The following SMG6 variants were observed in gnomAD, a reference collection of about 807,000 sequenced individuals.
The protein encoded by SMG6 is SMG6 nonsense mediated mRNA decay factor.
In SMG6, 66 loss-of-function variants were observed where a neutral mutation model predicts 142.2. That is an observed-to-expected ratio of 0.46 (90% CI 0.38 to 0.57). SMG6 has a LOEUF of 0.57. Ranked by LOEUF, SMG6 falls within the 20% of genes least tolerant of loss-of-function variation. SMG6 has a pLI of 0.00. For synonymous variants in SMG6, 779 were observed against 702.4 expected, an observed-to-expected ratio of 1.11 and a Z score of -1.72; for missense variants, 1,793 against 1,832.0, an observed-to-expected ratio of 0.98 and a Z score of 0.39.
intron 13 of SMG6, among the ~76,000 whole-genome samples, chr17:2,159,681 G>C (rs2071114839): frequency 6.6e-6 from 1 of 152,128 alleles, no homozygotes; most frequent in Admixed American, 6.6e-5. Context: ...ATTTATCCAA[G>C]AGAAATGAAA....
chr17:2,270,018 G>C (rs1330248379), intron 8 of SMG6, among the ~76,000 whole-genome samples: 5 of 152,042 alleles, frequency 3.3e-5, no homozygotes, highest in Admixed American at 1.3e-4. Flanking sequence ...GACAGAGTGA[G>C]ACTCTGTCTC....
At position 2,068,645 on chromosome 17, in the gene SMG6, C is replaced by T; in HGVS notation, c.3835+133G>A. The T allele has an allele frequency of 1.1e-6, 1 of 878,188 alleles. No individual in the cohort carries two copies. The highest frequency in any genetic ancestry group is 1.7e-6 in the Non-Finnish European group (1 of 581,976). 54.4% of individuals were successfully genotyped at this position (878,188 alleles called of 1,614,324 possible). On this transcript the variant is annotated intron_variant, in intron 16 of 18. Transcript: ENST00000263073. The surrounding 1 kb of genome is among the most constrained non-coding windows in gnomAD (Gnocchi z 6.7). ...ACAGTTTTCTTTGCCCCACGCGTTCCCTACTCCCCTGCAAATCCCATCTTA... is the reference window on the plus strand; with the variant it reads ...ACAGTTTTCTTTGCCCCACGCGTTCTCTACTCCCCTGCAAATCCCATCTTA...
At chr17:2,093,392 T>C (rs1195530749) in intron 13 of SMG6, among the ~76,000 whole-genome samples, 1 of 151,668 alleles carries the variant, frequency 6.6e-6, no homozygotes, top group African/African-American at 2.4e-5. Flanking sequence ...CACTGCACTC[T>C]AGCCAGGGTG....
intron 10 of SMG6, among the ~76,000 whole-genome samples, chr17:2,211,661 C>T (rs1395554479): frequency 1.1e-5 from 1 of 87,848 alleles, no homozygotes; most frequent in African/African-American, 4.9e-5. Flanking sequence ...GAGACTCCAT[C>T]TAATTAAAAA....
chr17:2,263,291 CAACACA>C (rs969315806), intron 8 of SMG6, among the ~76,000 whole-genome samples: 1 of 152,124 alleles, frequency 6.6e-6, no homozygotes, highest in Non-Finnish European at 1.5e-5. Flanking sequence ...AGACACCACG[CAACACA>C]AACAGCAATC....
At chr17:2,210,071 G>GC (rs2072802768) in intron 10 of SMG6, among the ~76,000 whole-genome samples, 1 of 152,082 alleles carries the variant, frequency 6.6e-6, no homozygotes, top group Non-Finnish European at 1.5e-5. Context: ...TAAAGACTCA[G>GC]CCCCTTTGAC....
At chr17:2,128,173 C>T (rs1462529063) in intron 13 of SMG6, among the ~76,000 whole-genome samples, 6 of 152,198 alleles carry the variant, frequency 3.9e-5, no homozygotes, top group Non-Finnish European at 8.8e-5. Flanking sequence ...CACATCCACG[C>T]GCCGCTTTGT....
intron 12 of SMG6, among the ~76,000 whole-genome samples, chr17:2,175,664 T>C (rs2071634367): frequency 6.6e-6 from 1 of 152,166 alleles, no homozygotes; most frequent in South Asian, 2.1e-4. Flanking sequence ...CGAGAATCCC[T>C]ACCTCAATGT....
In SMG6 at chr17:2,121,583, CTGTCTGTGTGTGTGTG is replaced by C. The variant is rs1206990079; in HGVS notation, c.3358-35698_3358-35683del. 1.2e-3 allele frequency among the ~76,000 whole-genome samples: 142 copies of C among 118,290 alleles called. 1 individual carries two copies. The highest frequency in any genetic ancestry group is 3.1e-3 in the African/African-American group (110 of 35,788). 77.6% of individuals were successfully genotyped at this position (118,290 alleles called of 152,430 possible). On this transcript the variant is annotated intron_variant, in intron 13 of 18. Coordinates refer to ENST00000263073, the MANE Select transcript of SMG6 (RefSeq NM_017575.5). ...CACATATATGTATATATGTACATGT[CTGTCTGTGTGTGTGTG>C]TGTGTGTGTGTGTGTGTGTGTGTGT...
At chr17:2,191,361 C>T (rs1158682609) in intron 10 of SMG6, among the ~76,000 whole-genome samples, 2 of 152,122 alleles carry the variant, frequency 1.3e-5, no homozygotes, top group Non-Finnish European at 2.9e-5. Flanking sequence ...GGGGCTAGAT[C>T]TAGGAAACTG....
Position 2,303,620 on chromosome 17 carries a change from C to T in SMG6, c.88+13G>A. On this transcript the variant is annotated intron_variant, in intron 1 of 18. Coordinates refer to ENST00000263073, the MANE Select transcript of SMG6 (RefSeq NM_017575.5). The stretch of plus-strand genomic sequence containing the variant: ...GGGCAGGCCCGGCCCAGGAGCTGGG[C>T]GGCGCGACTCACCTCTGCTCCCGGC... The T allele has an allele frequency of 6.9e-7, 1 of 1,444,596 alleles. No individual in the cohort carries two copies. Among genetic ancestry groups the T allele is most frequent in the South Asian group, 1.3e-5 (1 of 74,268 alleles). The allele number at this position is 1,444,596 out of a possible 1,614,324, so 89.5% of individuals were successfully genotyped here.
intron 13 of SMG6, among the ~76,000 whole-genome samples, chr17:2,090,880 G>A (rs1322794425): frequency 1.3e-5 from 2 of 152,198 alleles, no homozygotes; most frequent in Non-Finnish European, 2.9e-5. Context: ...CAAATAAGAT[G>A]CAGACAGGAA....
chr17:2,281,156 T>C lies in SMG6; in HGVS notation c.2661+1491A>G, dbSNP rs561226759. On this transcript the variant is annotated intron_variant, in intron 8 of 18. Coordinates refer to ENST00000263073, the MANE Select transcript of SMG6 (RefSeq NM_017575.5). ...GCTCTTGGGCTCATTCTTGACTTTT[T>C]TGAGACAGGGTCTTGCTCTGGCACC... Among the ~76,000 whole-genome samples, 4 of 152,302 alleles carry C rather than the reference T, an allele frequency of 2.6e-5. No individual in the cohort carries two copies. In the East Asian group the frequency reaches 7.7e-4, roughly 29 times the overall value.
At chr17:2,250,047 T>C (rs986276618) in intron 8 of SMG6, among the ~76,000 whole-genome samples, 8 of 152,238 alleles carry the variant, frequency 5.3e-5, no homozygotes, top group Non-Finnish European at 8.8e-5. Context: ...ATAATACAAA[T>C]TAAAGTAGTC....
intron 15 of SMG6, among the ~76,000 whole-genome samples, chr17:2,076,721 T>A (rs1459392220): frequency 6.6e-6 from 1 of 152,082 alleles, no homozygotes; most frequent in African/African-American, 2.4e-5. Flanking sequence ...AGGGGGGAAT[T>A]TTTCCTCTGC....
chr17:2,274,135 T>A (rs1194811678), intron 8 of SMG6, among the ~76,000 whole-genome samples: 1 of 152,270 alleles, frequency 6.6e-6, no homozygotes, highest in African/African-American at 2.4e-5. Flanking sequence ...ATATTGTCCA[T>A]GGCTACTTTG....
intron 14 of SMG6, 132 bp from the exon 15 acceptor site, chr17:2,082,088 G>A: frequency 2.3e-6 from 2 of 873,440 alleles, no homozygotes; most frequent in Non-Finnish European, 1.8e-6. Flanking sequence ...AGGGTCCCCT[G>A]GTGTGTGCTT....
chr17:2,121,583 CTGTCTGTGTGTGTGTGTGTGTGTGTG>C lies in SMG6; in HGVS notation c.3358-35708_3358-35683del, dbSNP rs1305406061. On this transcript the variant is annotated intron_variant, in intron 13 of 18. Transcript: ENST00000263073. ...CACATATATGTATATATGTACATGT[CTGTCTGTGTGTGTGTGTGTGTGTGTG>C]TGTGTGTGTGTGTGTGTGTGTGTGT... is the stretch of plus-strand genomic sequence containing the variant. 5.1e-5 allele frequency among the ~76,000 whole-genome samples: 6 copies of C among 118,200 alleles called. 1 individual carries two copies. The highest frequency in any genetic ancestry group is 1.7e-4 in the African/African-American group (6 of 35,682). The allele number at this position is 118,200 out of a possible 152,430, so 77.5% of individuals were successfully genotyped here.
At chr17:2,284,220 G>C (rs2074855003) in intron 6 of SMG6, among the ~76,000 whole-genome samples, 1 of 152,152 alleles carries the variant, frequency 6.6e-6, no homozygotes, top group African/African-American at 2.4e-5. Context: ...TAATCTTCCT[G>C]AGTTCCTATA....
Sources: allele counts gnomAD v4.1 joint callset (sites outside exome capture counted in the v4.1 genomes callset), GRCh38; gene constraint gnomAD v4.1.1; non-coding constraint Gnocchi (gnomAD v3.1); transcripts MANE v1.5; gene names NCBI Gene and HGNC (gene_info 2026-07-23, HGNC 2026-07-21).